SLC11A2: variants seen among roughly 807,000 people sequenced by gnomAD.
SLC11A2 encodes the protein solute carrier family 11 member 2, also known as natural resistance-associated macrophage protein 2.
In SLC11A2, 38 loss-of-function variants were observed where a neutral mutation model predicts 68.0. That is an observed-to-expected ratio of 0.56 (90% CI 0.43 to 0.73). SLC11A2 has a LOEUF of 0.73. Ranked by LOEUF, SLC11A2 falls within the 30% of genes least tolerant of loss-of-function variation. SLC11A2 has a pLI of 0.00. For synonymous variants in SLC11A2, 242 were observed against 250.6 expected (o/e 0.97, Z 0.32); for missense variants, 517 against 690.5 (o/e 0.75, Z 2.82).
At chr12:51,023,095 G>C (rs1340602334) in intron 1 of SLC11A2, among the ~76,000 whole-genome samples, 3 of 152,098 alleles carry the variant, frequency 2.0e-5, no homozygotes, top group Non-Finnish European at 4.4e-5. Context: ...TCTTCTTTGT[G>C]TCTCAAGGGG....
At chr12:50,960,723 A>C in the SLC11A2 span, among the ~76,000 whole-genome samples, 27,843 of 152,044 alleles carry the variant, frequency 0.18, 2,923 homozygotes, top group East Asian at 0.5. Flanking sequence ...CACTCTGTCA[A>C]CCAGGCTGTA....
rs1017555635 is a variant in SLC11A2, at chr12:50,992,262, A to C, written c.1275T>G (p.Leu425=). The C allele has an allele frequency of 5.0e-6, 8 of 1,614,092 alleles. No homozygotes were observed. The Admixed American group carries it at 1.3e-4, about 27-fold the overall frequency. Residue 425 remains leucine, a synonymous_variant, in exon 13 of 16, where the codon CTT becomes CTG. Coordinates refer to ENST00000262052, the MANE Select transcript of SLC11A2 (RefSeq NM_000617.3). The part of the protein sequence containing the change: ...TRSIAIIPTL[L]VAVFQDVEHL... Reference sequence around the variant, plus strand: ...GCTCTACATCTTGGAAGACAGCAACAAGCAGAGTGGGGATGATGGCAATAG... The same window carrying C: ...GCTCTACATCTTGGAAGACAGCAACCAGCAGAGTGGGGATGATGGCAATAG...
At chr12:50,972,800 G>C in the SLC11A2 span, among the ~76,000 whole-genome samples, 1 of 152,196 alleles carries the variant, frequency 6.6e-6, no homozygotes, top group Non-Finnish European at 1.5e-5. Flanking sequence ...CCCTAATACT[G>C]CACTTTTCCG....
intron 2 of SLC11A2, among the ~76,000 whole-genome samples, chr12:51,009,732 G>A (rs1401096515): frequency 1.3e-5 from 2 of 152,142 alleles, no homozygotes; most frequent in South Asian, 2.1e-4. Context: ...GAAACACCAG[G>A]AAGCATCATG....
the SLC11A2 span, among the ~76,000 whole-genome samples, chr12:50,953,420 T>C: frequency 6.6e-6 from 1 of 152,216 alleles, no homozygotes; most frequent in East Asian, 1.9e-4. Context: ...GTTTCTTCAT[T>C]CATCCTATGT....
intron 14 of SLC11A2, 130 bp from the exon 15 acceptor site, chr12:50,991,078 A>C (rs1234898145): frequency 7.0e-6 from 6 of 858,936 alleles, no homozygotes; most frequent in South Asian, 1.4e-5. Flanking sequence ...AAAAAAAATG[A>C]TTCTTCATAA....
chr12:51,026,237 C>G (rs1944378356), intron 1 of SLC11A2, 73 bp downstream of exon 1: 1 of 1,228,886 alleles, frequency 8.1e-7, no homozygotes, highest in South Asian at 1.3e-5. Context: ...CCGACACAGG[C>G]CCTCGAGCCG....
At chr12:50,999,138 A>T (rs778720733) in intron 8 of SLC11A2, 36 bp downstream of exon 8, 4 of 1,505,958 alleles carry the variant, frequency 2.7e-6, no homozygotes, top group Non-Finnish European at 3.7e-6. Context: ...ACAAAAACTT[A>T]TTTTAAGAAG....
At chr12:51,026,431 G>A (rs886763852), upstream of SLC11A2, 25 of 1,061,704 alleles carry the variant, frequency 2.4e-5, no homozygotes, top group East Asian at 1.2e-3. Flanking sequence ...GACGGCAGCC[G>A]CACATCCCTA....
intron 1 of SLC11A2, among the ~76,000 whole-genome samples, chr12:51,014,903 G>C (rs1943512037): frequency 6.6e-6 from 1 of 151,260 alleles, no homozygotes; most frequent in South Asian, 2.1e-4. Context: ...GCTCACGCCT[G>C]TAATCTCATC....
chr12:50,991,206 C>T (rs569225389), intron 14 of SLC11A2, among the ~76,000 whole-genome samples: 18 of 152,126 alleles, frequency 1.2e-4, no homozygotes, highest in South Asian at 6.2e-4. Flanking sequence ...GGCCTAGAAA[C>T]GCAATGAGCC....
At chr12:51,017,097 T>C (rs2136376104) in intron 1 of SLC11A2, among the ~76,000 whole-genome samples, 1 of 152,082 alleles carries the variant, frequency 6.6e-6, no homozygotes, top group South Asian at 2.1e-4. Flanking sequence ...AAAGTCTACA[T>C]ATTCTTTGAT....
intron 5 of SLC11A2, among the ~76,000 whole-genome samples, chr12:51,001,392 G>A (rs1309807125): frequency 6.6e-6 from 1 of 152,016 alleles, no homozygotes; most frequent in Admixed American, 6.6e-5. Flanking sequence ...CTTGATGGGG[G>A]AGGGTGGAAG....
chr12:51,020,506 G>T (rs906457088), intron 1 of SLC11A2, among the ~76,000 whole-genome samples: 3 of 152,142 alleles, frequency 2.0e-5, no homozygotes, highest in African/African-American at 7.2e-5. Flanking sequence ...GGTAATATTA[G>T]AATGTCTTCA....
At chr12:50,968,739 G>A in the SLC11A2 span, among the ~76,000 whole-genome samples, 22,322 of 151,560 alleles carry the variant, frequency 0.15, 1,862 homozygotes, top group South Asian at 0.27. Flanking sequence ...ATGGGGTTTC[G>A]CCATGTTGGT....
chr12:50,991,029 A>G, intron 14 of SLC11A2, 81 bp from the exon 15 acceptor site: 1 of 1,261,452 alleles, frequency 7.9e-7, no homozygotes, highest in South Asian at 1.2e-5. Context: ...TGGGAATTAG[A>G]GGCAGTTCAA....
At chr12:50,994,474 C>CA in intron 11 of SLC11A2, 70 bp downstream of exon 11, 1 of 1,008,766 alleles carries the variant, frequency 9.9e-7, no homozygotes, top group Admixed American at 1.7e-5. Flanking sequence ...AGTGAAGTCA[C>CA]AAAAAAGACC....
chr12:50,989,884 T>C (rs1171966550), intron 15 of SLC11A2, among the ~76,000 whole-genome samples: 1 of 152,206 alleles, frequency 6.6e-6, no homozygotes, highest in Non-Finnish European at 1.5e-5. Flanking sequence ...GCAAAAATGG[T>C]ATAAATTCTA....
At chr12:50,977,064 T>C (rs547696713), downstream of SLC11A2, among the ~76,000 whole-genome samples, 2 of 152,276 alleles carry the variant, frequency 1.3e-5, no homozygotes, top group South Asian at 4.1e-4. Flanking sequence ...AAAACGGCCA[T>C]ACTGCCCAAG....
Sources: gnomAD v4.1 joint callset for allele counts (sites outside exome capture counted in the v4.1 genomes callset) on GRCh38, gnomAD v4.1.1 for gene constraint, MANE v1.5 for transcripts, NCBI Gene and HGNC (gene_info 2026-07-23, HGNC 2026-07-21) for gene names.